Variants in CAMK4 observed in about 807,000 individuals in gnomAD.
The protein encoded by CAMK4 is calcium/calmodulin dependent protein kinase IV, also known as calcium/calmodulin-dependent protein kinase type IV.
CAMK4 carries 22 observed loss-of-function variants against 44.9 expected under a neutral mutation model. The ratio of observed to expected loss-of-function variants is 0.49; its 90% CI spans 0.35 to 0.70. The LOEUF (loss-of-function observed/expected upper bound fraction) is 0.70. CAMK4 is among the 30% of genes least tolerant of loss of function. CAMK4 has a pLI of 0.01. For synonymous variants in CAMK4, 218 were observed against 215.4 expected (o/e 1.01, Z -0.11); for missense variants, 498 against 586.8 (o/e 0.85, Z 1.56).
Position 111,399,037 on chromosome 5 carries a change from A to G in CAMK4, c.459+4255A>G, listed in dbSNP as rs576835716. Among the ~76,000 whole-genome samples the G allele has an allele frequency of 2.6e-5, 4 of 152,254 alleles. No homozygotes were observed. In the South Asian group the frequency reaches 6.2e-4, roughly 24 times the overall value. On this transcript the variant is annotated intron_variant, in intron 5 of 10. Transcript: ENST00000282356. Reference sequence around the variant, plus strand: ...CAGTTATTATTTAAATCATACATCAATTATATCATTTCCATGCTTATAGCA... The same window carrying G: ...CAGTTATTATTTAAATCATACATCAGTTATATCATTTCCATGCTTATAGCA...
intron 4 of CAMK4, among the ~76,000 whole-genome samples, chr5:111,381,365 T>G (rs1580677940): frequency 6.6e-6 from 1 of 152,062 alleles, no homozygotes; most frequent in Non-Finnish European, 1.5e-5. Context: ...ACCTCAAAAG[T>G]AGGGAAGCCG....
intron 2 of CAMK4, among the ~76,000 whole-genome samples, chr5:111,355,412 G>T (rs1258269740): frequency 6.6e-6 from 1 of 152,028 alleles, no homozygotes; most frequent in African/African-American, 2.4e-5. Context: ...CATTCTTCCA[G>T]AGCATTGTTA....
chr5:111,393,574 A>G (rs548481943), intron 4 of CAMK4, among the ~76,000 whole-genome samples: 1 of 152,152 alleles, frequency 6.6e-6, no homozygotes. Context: ...ATCATGTCCT[A>G]TGAAGGGACA....
At chr5:111,432,779 A>G (rs1431293202) in intron 5 of CAMK4, among the ~76,000 whole-genome samples, 1 of 151,706 alleles carries the variant, frequency 6.6e-6, no homozygotes, top group Non-Finnish European at 1.5e-5. Flanking sequence ...CTATTTGTTG[A>G]TATATACCAG....
At chr5:111,282,056 CAAA>C (rs58617977) in intron 1 of CAMK4, among the ~76,000 whole-genome samples, 1 of 112,436 alleles carries the variant, frequency 8.9e-6, no homozygotes. Flanking sequence ...GACTCCGTCT[CAAA>C]AAAAAAAAAA....
chr5:111,283,245 A>G (rs138156677), intron 1 of CAMK4, among the ~76,000 whole-genome samples: 2 of 152,352 alleles, frequency 1.3e-5, no homozygotes, highest in African/African-American at 4.8e-5. Context: ...AGTTAAACTG[A>G]CACCCTTATT....
chr5:111,395,535 T>G (rs1751975891), intron 5 of CAMK4, among the ~76,000 whole-genome samples: 1 of 152,102 alleles, frequency 6.6e-6, no homozygotes, highest in Non-Finnish European at 1.5e-5. Context: ...TGACTTTTCT[T>G]TCCAGAAAAG....
chr5:111,396,628 A>ATTTTTTTTTTTTTT (rs1210775733), intron 5 of CAMK4, among the ~76,000 whole-genome samples: 1 of 41,296 alleles, frequency 2.4e-5, no homozygotes, highest in Non-Finnish European at 4.7e-5. Flanking sequence ...ATTAACTCAT[A>ATTTTTTTTTTTTTT]TTCTTTTTTT....
At chr5:111,463,547 G>A (rs1321497518) in intron 7 of CAMK4, among the ~76,000 whole-genome samples, 1 of 152,146 alleles carries the variant, frequency 6.6e-6, no homozygotes, top group Non-Finnish European at 1.5e-5. Context: ...ACAAAACACT[G>A]CAATAAACAA....
intron 1 of CAMK4, among the ~76,000 whole-genome samples, chr5:111,285,746 A>T (rs1392411234): frequency 6.6e-6 from 1 of 152,188 alleles, no homozygotes; most frequent in Non-Finnish European, 1.5e-5. Flanking sequence ...TGTCAATGCT[A>T]TTATGGTCCA....
intron 1 of CAMK4, among the ~76,000 whole-genome samples, chr5:111,339,194 T>A (rs141968704): frequency 1.3e-5 from 2 of 151,358 alleles, no homozygotes; most frequent in East Asian, 1.9e-4. Context: ...TTTATTCTGC[T>A]GATTGTCTCC....
Position 111,392,078 on chromosome 5 carries a change from A to G in CAMK4, c.387-2632A>G, listed in dbSNP as rs547703393. ...TTATTCTTCGTAATTTTTGACAGCT[A>G]TATATTGTATCTGTATTGTAAGTTC... On this transcript the variant is annotated intron_variant, in intron 4 of 10. Transcript: ENST00000282356. Among the ~76,000 whole-genome samples, 5 of 152,204 alleles carry G rather than the reference A, an allele frequency of 3.3e-5. No individual in the cohort carries two copies. The East Asian group carries it at 9.7e-4, about 29-fold the overall frequency.
chr5:111,411,583 A>G (rs1752633369), intron 5 of CAMK4, among the ~76,000 whole-genome samples: 1 of 152,244 alleles, frequency 6.6e-6, no homozygotes, highest in African/African-American at 2.4e-5. Flanking sequence ...GGCTGGAAAC[A>G]TGACAAGAAC....
chr5:111,483,693 T>C (rs1334798831), intron 10 of CAMK4, among the ~76,000 whole-genome samples: 2 of 152,210 alleles, frequency 1.3e-5, no homozygotes, highest in African/African-American at 4.8e-5. Context: ...TAAAAACTAC[T>C]AACGTCCACA....
At chr5:111,424,367 T>C (rs1457932556) in intron 5 of CAMK4, among the ~76,000 whole-genome samples, 1 of 152,152 alleles carries the variant, frequency 6.6e-6, no homozygotes, top group Middle Eastern at 3.4e-3. Flanking sequence ...AGAATCACAT[T>C]ACATGCTGTA....
At chr5:111,395,769 A>G (rs1252839912) in intron 5 of CAMK4, among the ~76,000 whole-genome samples, 1 of 152,118 alleles carries the variant, frequency 6.6e-6, no homozygotes, top group Non-Finnish European at 1.5e-5. Flanking sequence ...CATGTATTTG[A>G]TGTTGTCTAA....
intron 5 of CAMK4, among the ~76,000 whole-genome samples, chr5:111,432,870 A>G (rs1753507903): frequency 6.6e-6 from 1 of 151,990 alleles, no homozygotes; most frequent in Non-Finnish European, 1.5e-5. Flanking sequence ...TCAAAAACCT[A>G]CTAAATACCA....
At chr5:111,481,455 T>C (rs1164177837) in intron 9 of CAMK4, among the ~76,000 whole-genome samples, 1 of 152,202 alleles carries the variant, frequency 6.6e-6, no homozygotes, top group Non-Finnish European at 1.5e-5. Context: ...ACTACAAATC[T>C]AGCCCAAACA....
intron 1 of CAMK4, among the ~76,000 whole-genome samples, chr5:111,253,214 G>T (rs1293974374): frequency 6.6e-6 from 1 of 152,156 alleles, no homozygotes; most frequent in Non-Finnish European, 1.5e-5. Flanking sequence ...GTAATTTAGT[G>T]CACCTTTCCT....
Sources: gnomAD v4.1 joint callset for allele counts (sites outside exome capture counted in the v4.1 genomes callset) on GRCh38, gnomAD v4.1.1 for gene constraint, MANE v1.5 for transcripts, NCBI Gene and HGNC (gene_info 2026-07-23, HGNC 2026-07-21) for gene names.